AAMDC: variants seen among roughly 807,000 people sequenced by gnomAD.
AAMDC encodes the protein mth938 domain-containing protein.
A neutral mutation model predicts 15.5 loss-of-function variants in AAMDC; 16 were observed. The ratio of observed to expected loss-of-function variants is 1.03; its 90% CI spans 0.70 to 1.57. The LOEUF (loss-of-function observed/expected upper bound fraction) is 1.57. Among genes scored for constraint, AAMDC ranks in the 40% most tolerant of loss-of-function variants. AAMDC has a pLI of 0.00. For missense variants in AAMDC, 141 were observed against 144.9 expected, an observed-to-expected ratio of 0.97 and a Z score of 0.14; for synonymous variants, 51 against 51.6, an observed-to-expected ratio of 0.99 and a Z score of 0.05.
chr11:77,868,246 G>A lies in AAMDC; in HGVS notation c.133-1476G>A, dbSNP rs1403038488. 6.6e-5 allele frequency among the ~76,000 whole-genome samples: 10 copies of A among 151,544 alleles called. No individual in the cohort carries two copies. The East Asian group carries it at 7.8e-4, about 12-fold the overall frequency. On this transcript the variant is annotated intron_variant, in intron 2 of 3. Transcript: ENST00000393427. ...AATTTTTTGTATGTTTAGTGGAGAC[G>A]GGGTTTCACCGTGTTAGCCAGGATG...
rs759096580 is a variant in AAMDC, at chr11:77,872,269, T to A, written c.323T>A (p.Val108Asp). ...GCAGTGAAGGAGTATAATGCCTTGGTTGCCCAAGGGGTCAGGGTGGGAGGT... is the reference window on the plus strand; with the variant it reads ...GCAGTGAAGGAGTATAATGCCTTGGATGCCCAAGGGGTCAGGGTGGGAGGT... ...EQAVKEYNAL[V>D]AQGVRVGGVF... The change falls in exon 4 of 4, where the codon GTT becomes GAT. Residue 108 changes from valine to aspartate, a missense_variant. Transcript: ENST00000393427. 10 of 1,613,504 alleles carry A rather than the reference T, an allele frequency of 6.2e-6. No individual in the cohort carries two copies. The highest frequency in any genetic ancestry group is 1.3e-5 in the African/African-American group (1 of 74,900).
chr11:77,856,973 G>A (rs1950647176), intron 2 of AAMDC, among the ~76,000 whole-genome samples: 1 of 152,192 alleles, frequency 6.6e-6, no homozygotes, highest in South Asian at 2.1e-4. Context: ...GAGCATGTTA[G>A]AATCCTTCAT....
At chr11:77,861,688 C>T (rs756079721) in intron 2 of AAMDC, among the ~76,000 whole-genome samples, 9 of 152,122 alleles carry the variant, frequency 5.9e-5, no homozygotes, top group Non-Finnish European at 1.2e-4. Flanking sequence ...CCTTGTAGAC[C>T]GCACTGGAAG....
At position 77,872,244 on chromosome 11, in the gene AAMDC, G is replaced by A. The variant is rs777763915; in HGVS notation, c.298G>A (p.Ala100Thr). 1.2e-6 allele frequency: 2 copies of A among 1,613,778 alleles called. No individual in the cohort carries two copies. The highest frequency in any genetic ancestry group is 2.7e-5 in the African/African-American group (2 of 74,910). ...TGTGCGGGTCCTCCAGACAGAGCAGGCAGTGAAGGAGTATAATGCCTTGGT... is the reference window on the plus strand; with the variant it reads ...TGTGCGGGTCCTCCAGACAGAGCAGACAGTGAAGGAGTATAATGCCTTGGT... ...IDVRVLQTEQAVKEYNALVAQ... is the reference protein window; with the variant it reads ...IDVRVLQTEQTVKEYNALVAQ... The change falls in exon 4 of 4, where the codon GCA becomes ACA. Residue 100 changes from alanine (A) to threonine (T), a missense_variant. Transcript: ENST00000393427.
intron 2 of AAMDC, among the ~76,000 whole-genome samples, chr11:77,853,491 A>T (rs1950485059): frequency 6.6e-6 from 1 of 152,136 alleles, no homozygotes; most frequent in African/African-American, 2.4e-5. Flanking sequence ...CGAGAACAGC[A>T]AGGGGGATAT....
intron 1 of AAMDC, among the ~76,000 whole-genome samples, chr11:77,825,908 T>C (rs1297392021): frequency 1.3e-5 from 2 of 152,042 alleles, no homozygotes; most frequent in East Asian, 3.9e-4. Flanking sequence ...GCCAGGCTGG[T>C]CTCAAACTCC....
intron 1 of AAMDC, among the ~76,000 whole-genome samples, chr11:77,833,009 A>ATATATTTT (rs372585188): frequency 6.7e-5 from 4 of 60,036 alleles, no homozygotes; most frequent in African/African-American, 2.8e-4. Flanking sequence ...ATATATATAT[A>ATATATTTT]TTTTTTTTTT....
intron 5 of AAMDC, among the ~76,000 whole-genome samples, chr11:77,900,313 A>T (rs912193920): frequency 6.6e-6 from 1 of 152,030 alleles, no homozygotes; most frequent in African/African-American, 2.4e-5. Flanking sequence ...GTTAGCCAGG[A>T]TGCTCTTGAT....
intron 1 of AAMDC, among the ~76,000 whole-genome samples, chr11:77,827,132 T>G (rs1949215431): frequency 6.6e-6 from 1 of 151,702 alleles, no homozygotes; most frequent in African/African-American, 2.4e-5. Context: ...ATTGGGAATT[T>G]GAAATTTGCC....
chr11:77,884,641 A>C (rs1483473174), intron 5 of AAMDC: 1 of 218,318 alleles, frequency 4.6e-6, no homozygotes, highest in African/African-American at 2.3e-5. Context: ...AGGTCTTCCA[A>C]TGTTGAAACT....
intron 5 of AAMDC, chr11:77,879,238 A>G (rs1268145337): frequency 1.8e-6 from 2 of 1,117,688 alleles, no homozygotes; most frequent in South Asian, 1.5e-5. Flanking sequence ...AAATTTCTTC[A>G]TCCGTCTACA....
chr11:77,870,739 A>G (rs1292057206), intron 3 of AAMDC, among the ~76,000 whole-genome samples: 1 of 152,206 alleles, frequency 6.6e-6, no homozygotes, highest in Non-Finnish European at 1.5e-5. Context: ...TCCCTTCCCA[A>G]TCTTCACATT....
chr11:77,874,659 A>T (rs1951549744), downstream of AAMDC, among the ~76,000 whole-genome samples: 1 of 152,186 alleles, frequency 6.6e-6, no homozygotes, highest in Non-Finnish European at 1.5e-5. Context: ...CCTCTGTCTT[A>T]AATCATTAAA....
At chr11:77,829,772 A>C (rs1336388427) in intron 1 of AAMDC, 1 of 152,186 alleles carries the variant, frequency 6.6e-6, no homozygotes, top group Admixed American at 6.5e-5. Context: ...AAAATTAAAA[A>C]CTTGTGTGCT....
At chr11:77,849,493 G>C (rs1031644132) in intron 2 of AAMDC, among the ~76,000 whole-genome samples, 1 of 152,116 alleles carries the variant, frequency 6.6e-6, no homozygotes, top group Non-Finnish European at 1.5e-5. Flanking sequence ...CAAAGTGCTG[G>C]GATTATTGGC....
chr11:77,903,606 C>T (rs773365029), downstream of AAMDC: 8 of 1,613,712 alleles, frequency 5.0e-6, no homozygotes, highest in Non-Finnish European at 5.9e-6. Context: ...CATTCCACAA[C>T]TTTTCCTGCA....
intron 2 of AAMDC, among the ~76,000 whole-genome samples, chr11:77,845,094 T>C (rs1167210295): frequency 6.6e-6 from 1 of 152,196 alleles, no homozygotes; most frequent in African/African-American, 2.4e-5. Flanking sequence ...GAGTTTGTCC[T>C]ACTTGGAATT....
intron 3 of AAMDC, among the ~76,000 whole-genome samples, chr11:77,871,455 T>C (rs1043046792): frequency 1.2e-4 from 18 of 152,092 alleles, no homozygotes; most frequent in African/African-American, 4.3e-4. Context: ...TCATGGATAA[T>C]AAAAAACTAG....
At chr11:77,856,242 A>G (rs1014767236) in intron 2 of AAMDC, among the ~76,000 whole-genome samples, 1 of 152,184 alleles carries the variant, frequency 6.6e-6, no homozygotes, top group Non-Finnish European at 1.5e-5. Context: ...AGCACAAGTA[A>G]CCTTTACACT....
Sources: allele counts gnomAD v4.1 joint callset (sites outside exome capture counted in the v4.1 genomes callset), GRCh38; gene constraint gnomAD v4.1.1; transcripts MANE v1.5; gene names NCBI Gene and HGNC (gene_info 2026-07-23, HGNC 2026-07-21).